The following NTAQ1 variants were observed in gnomAD, a reference collection of about 807,000 sequenced individuals.
The protein encoded by NTAQ1 is N-terminal glutamine amidase 1, also known as protein N-terminal glutamine amidohydrolase.
In NTAQ1, 21 loss-of-function variants were observed where a neutral mutation model predicts 28.2. That is an observed-to-expected ratio of 0.74 (90% CI 0.53 to 1.07). NTAQ1 has a LOEUF of 1.07. Among genes scored for constraint, NTAQ1 ranks in the 50% least tolerant of loss-of-function variants. The probability of loss-of-function intolerance (pLI) is 0.00; values close to 1 mark genes in which losing one functional copy is unlikely to be tolerated. For missense variants in NTAQ1, 264 were observed against 256.6 expected, an observed-to-expected ratio of 1.03 and a Z score of -0.20; for synonymous variants, 105 against 90.0, an observed-to-expected ratio of 1.17 and a Z score of -0.94.
At chr8:123,464,547 A>G (rs529291620) in intron 6 of NTAQ1, among the ~76,000 whole-genome samples, 1 of 152,226 alleles carries the variant, frequency 6.6e-6, no homozygotes, top group South Asian at 2.1e-4. Flanking sequence ...CCCCAGGGGT[A>G]AGGGCCAGGA....
At chr8:123,444,431 C>T (rs1815194450), downstream of NTAQ1, among the ~76,000 whole-genome samples, 1 of 152,196 alleles carries the variant, frequency 6.6e-6, no homozygotes, top group Admixed American at 6.5e-5. Context: ...AACTCCTGAC[C>T]TCAAGTAATC....
At position 123,437,263 on chromosome 8, in the gene NTAQ1, G is replaced by A. The variant is rs771759053; in HGVS notation, c.437G>A (p.Arg146Gln). The A allele has an allele frequency of 2.8e-5, 45 of 1,614,006 alleles. No homozygotes were observed. The highest frequency in any genetic ancestry group is 8.3e-5 in the Admixed American group (5 of 59,996). Residue 146 changes from arginine (R) to glutamine (Q), a missense_variant, in exon 5 of 6, where the codon CGA (arginine) becomes CAA (glutamine). Coordinates refer to ENST00000287387, the MANE Select transcript of NTAQ1 (RefSeq NM_018024.3). ...DSYLKNFASD[R>Q]SHMKDSSGNW... ...TATTTGAAGAACTTTGCTTCTGACC[G>A]ATCTCACATGAAAGACTCCAGTGGG...
intron 6 of NTAQ1, among the ~76,000 whole-genome samples, chr8:123,457,131 A>G (rs1361323126): frequency 2.0e-5 from 3 of 152,152 alleles, no homozygotes; most frequent in Non-Finnish European, 2.9e-5. Flanking sequence ...CAGTGGCACA[A>G]TCTCGGCTCA....
At chr8:123,440,145 CCT>C (rs1814964564) in intron 5 of NTAQ1, among the ~76,000 whole-genome samples, 1 of 85,062 alleles carries the variant, frequency 1.2e-5, no homozygotes, top group African/African-American at 4.3e-5. Context: ...AGGATTAACT[CCT>C]TTTTTTTTTT....
At chr8:123,421,531 T>A (rs995463045) in intron 1 of NTAQ1, among the ~76,000 whole-genome samples, 1 of 130,790 alleles carries the variant, frequency 7.6e-6, no homozygotes, top group African/African-American at 2.9e-5. Context: ...TTTTTTGAGA[T>A]GGAGTCTTAC....
At chr8:123,425,248 C>T (rs62520970) in intron 1 of NTAQ1, among the ~76,000 whole-genome samples, 54,935 of 151,630 alleles carry the variant, frequency 0.36, 10,065 homozygotes, top group East Asian at 0.56. Context: ...TCAGCCACCA[C>T]GCCCAGCTAA....
chr8:123,446,762 G>T (rs1194865132), downstream of NTAQ1, among the ~76,000 whole-genome samples: 4 of 152,138 alleles, frequency 2.6e-5, no homozygotes, highest in Non-Finnish European at 4.4e-5. Context: ...TACAGCCTCC[G>T]CAACAGACTC....
In NTAQ1 at chr8:123,425,834, G is replaced by A. The variant is rs185233673; in HGVS notation, c.84-2090G>A. On this transcript the variant is annotated intron_variant, in intron 1 of 5. Coordinates refer to ENST00000287387, the MANE Select transcript of NTAQ1 (RefSeq NM_018024.3). ...AGACCAGCCATGGCCAACATGTGAT[G>A]GCCAACATGTGAAACCCCATCTCTA... Among the ~76,000 whole-genome samples the A allele has an allele frequency of 5.3e-5, 8 of 152,144 alleles. No homozygotes were observed. The East Asian group carries it at 1.4e-3, about 26-fold the overall frequency.
intron 3 of NTAQ1, among the ~76,000 whole-genome samples, chr8:123,431,673 T>G (rs1195460640): frequency 6.6e-6 from 1 of 152,198 alleles, no homozygotes; most frequent in Non-Finnish European, 1.5e-5. Context: ...TTAGGCATAC[T>G]GGGTTTAAGT....
chr8:123,435,437 T>C, intron 3 of NTAQ1: 1 of 984,994 alleles, frequency 1.0e-6, no homozygotes, highest in East Asian at 1.1e-4. Context: ...CCTTCTCCTC[T>C]CCAGGCTGAC....
downstream of NTAQ1, among the ~76,000 whole-genome samples, chr8:123,474,835 C>T (rs747654384): frequency 1.3e-5 from 2 of 152,076 alleles, no homozygotes; most frequent in Middle Eastern, 3.2e-3. Flanking sequence ...TGCAGTGAGC[C>T]GAGATCCTGC....
chr8:123,462,527 GATA>G (rs1815853292), intron 6 of NTAQ1, among the ~76,000 whole-genome samples: 2 of 152,272 alleles, frequency 1.3e-5, no homozygotes, highest in Admixed American at 1.3e-4. Flanking sequence ...AGAAGGAGAT[GATA>G]ATAATTGATT....
rs567677517 is a variant in NTAQ1, at chr8:123,441,648, T to A, written c.*233T>A. On this transcript the variant is annotated 3_prime_UTR_variant, in exon 6 of 6. Coordinates refer to ENST00000287387, the MANE Select transcript of NTAQ1 (RefSeq NM_018024.3). ...GTGCGTACTTGCTAAGATATTCCTG[T>A]GGCTCATGCGTTACAACACGAGGAC... The A allele has an allele frequency of 6.9e-5, 36 of 522,966 alleles. No homozygotes were observed. Among genetic ancestry groups the A allele is most frequent in the Non-Finnish European group, 1.1e-4 (32 of 291,944 alleles). The allele number at this position is 522,966 out of a possible 1,614,324, so 32.4% of individuals were successfully genotyped here.
At chr8:123,430,480 A>G (rs2130242175) in intron 3 of NTAQ1, among the ~76,000 whole-genome samples, 1 of 152,250 alleles carries the variant, frequency 6.6e-6, no homozygotes, top group South Asian at 2.1e-4. Context: ...CATCTCTAAT[A>G]ATAATACAAA....
chr8:123,473,210 G>T (rs1816058984), downstream of NTAQ1, among the ~76,000 whole-genome samples: 1 of 152,076 alleles, frequency 6.6e-6, no homozygotes, highest in Non-Finnish European at 1.5e-5. Context: ...AAGGCATACA[G>T]CCCTGAGGGA....
chr8:123,442,504 A>G (rs1815113732), downstream of NTAQ1, among the ~76,000 whole-genome samples: 1 of 151,000 alleles, frequency 6.6e-6, no homozygotes, highest in Non-Finnish European at 1.5e-5. Flanking sequence ...AGGCTGAGGC[A>G]GAATTGCTTG....
At chr8:123,431,636 C>G (rs994806003) in intron 3 of NTAQ1, among the ~76,000 whole-genome samples, 4 of 152,172 alleles carry the variant, frequency 2.6e-5, no homozygotes, top group African/African-American at 9.7e-5. Context: ...CCCCTCAGCT[C>G]TAGGGTTAGG....
chr8:123,434,829 T>C (rs12677203), intron 3 of NTAQ1, among the ~76,000 whole-genome samples: 55,033 of 151,772 alleles, frequency 0.36, 10,087 homozygotes, highest in East Asian at 0.56. Context: ...AGCAGACCCA[T>C]TGGGAGGCAG....
At chr8:123,422,606 GTT>G (rs112284256) in intron 1 of NTAQ1, among the ~76,000 whole-genome samples, 47,565 of 134,074 alleles carry the variant, frequency 0.35, 7,959 homozygotes, top group East Asian at 0.56. Context: ...TCCATTGATA[GTT>G]TTTTTTTTTT....
Sources: gnomAD v4.1 joint callset for allele counts (sites outside exome capture counted in the v4.1 genomes callset) on GRCh38, gnomAD v4.1.1 for gene constraint, MANE v1.5 for transcripts, NCBI Gene and HGNC (gene_info 2026-07-23, HGNC 2026-07-21) for gene names.